The following RGS8 variants were observed in gnomAD, a reference collection of about 807,000 sequenced individuals.
The protein encoded by RGS8 is regulator of G protein signaling 8.
A neutral mutation model predicts 21.7 loss-of-function variants in RGS8; 8 were observed. The observed-to-expected ratio is 0.37, with a 90% CI of 0.22 to 0.66. RGS8 has a LOEUF of 0.66. RGS8 is among the 30% of genes least tolerant of loss of function. The probability of loss-of-function intolerance (pLI) is 0.59; values close to 1 mark genes in which losing one functional copy is unlikely to be tolerated. For synonymous variants in RGS8, 80 were observed against 83.6 expected (o/e 0.96, Z 0.24); for missense variants, 157 against 217.9 (o/e 0.72, Z 1.76).
rs1010870867 is a variant in RGS8 at position 182,678,075 on chromosome 1, TAA to T, written n.222-5145_222-5144del. On this transcript the variant is annotated intron_variant and non_coding_transcript_variant, in intron 1 of 4. Transcript: ENST00000515211. ...ACACTGATTAGATATTTAATAGTAT[TAA>T]GACATTATCGTTATTTTTTAGTGCA... 6.6e-5 allele frequency among the ~76,000 whole-genome samples: 10 copies of T among 152,338 alleles called. No individual in the cohort carries two copies. The East Asian group carries it at 9.6e-4, about 15-fold the overall frequency.
chr1:182,649,283 C>A (rs981090204), intron 5 of RGS8, among the ~76,000 whole-genome samples: 1 of 152,148 alleles, frequency 6.6e-6, no homozygotes, highest in South Asian at 2.1e-4. Context: ...AGGAAACACA[C>A]AACTTGTTAC....
chr1:182,662,927 A>T (rs1258774730), intron 5 of RGS8, among the ~76,000 whole-genome samples: 3 of 151,218 alleles, frequency 2.0e-5, no homozygotes, highest in African/African-American at 4.9e-5. Flanking sequence ...CAGGGATGGC[A>T]AAGATGTCCT....
chr1:182,740,019 C>T, the RGS8 span, among the ~76,000 whole-genome samples: 35 of 152,188 alleles, frequency 2.3e-4, no homozygotes, highest in African/African-American at 7.7e-4. Context: ...AAACTAGCCT[C>T]CAATCCAGAG....
At chr1:182,672,851 C>G (rs1664229776), upstream of RGS8, 1 of 1,613,990 alleles carries the variant, frequency 6.2e-7, no homozygotes, top group Non-Finnish European at 8.5e-7. Flanking sequence ...TGCTTCAGTT[C>G]CAGAAGGAGG....
the RGS8 span, among the ~76,000 whole-genome samples, chr1:182,712,491 C>CA: frequency 6.6e-6 from 1 of 152,208 alleles, no homozygotes; most frequent in Non-Finnish European, 1.5e-5. Flanking sequence ...AATGTGCTCA[C>CA]ATGTCACCCA....
chr1:182,698,376 T>C, the RGS8 span, among the ~76,000 whole-genome samples: 1 of 152,248 alleles, frequency 6.6e-6, no homozygotes. Context: ...GTGCTGTGAC[T>C]TTAGGCAAGT....
the RGS8 span, among the ~76,000 whole-genome samples, chr1:182,721,278 A>G: frequency 6.6e-6 from 1 of 152,098 alleles, no homozygotes; most frequent in Non-Finnish European, 1.5e-5. Context: ...AAAACGCAGA[A>G]CAGACAGACC....
chr1:182,710,951 T>C, the RGS8 span, among the ~76,000 whole-genome samples: 1 of 152,112 alleles, frequency 6.6e-6, no homozygotes, highest in Non-Finnish European at 1.5e-5. Flanking sequence ...TTCAGGGCAA[T>C]AAGCATCAAG....
At chr1:182,713,605 A>T in the RGS8 span, among the ~76,000 whole-genome samples, 1 of 152,138 alleles carries the variant, frequency 6.6e-6, no homozygotes, top group African/African-American at 2.4e-5. Flanking sequence ...TCCTGATGAC[A>T]CAAGGGCCTT....
At chr1:182,649,634 G>A (rs1227782217) in intron 5 of RGS8, among the ~76,000 whole-genome samples, 3 of 152,176 alleles carry the variant, frequency 2.0e-5, no homozygotes, top group African/African-American at 7.2e-5. Flanking sequence ...GATGAGCAGG[G>A]TTACCATGTC....
intron 5 of RGS8, among the ~76,000 whole-genome samples, chr1:182,650,073 C>T (rs746235977): frequency 8.0e-5 from 12 of 149,318 alleles, no homozygotes; most frequent in African/African-American, 1.3e-4. Flanking sequence ...CACTACGCCT[C>T]GCTAATTTTT....
chr1:182,746,583 C>T, the RGS8 span, among the ~76,000 whole-genome samples: 2 of 151,896 alleles, frequency 1.3e-5, no homozygotes, highest in South Asian at 2.1e-4. Context: ...ACTCAAAAGG[C>T]AGAGGTTGCA....
chr1:182,733,466 T>C, the RGS8 span, among the ~76,000 whole-genome samples: 1 of 151,970 alleles, frequency 6.6e-6, no homozygotes, highest in African/African-American at 2.4e-5. Context: ...TTTGACAGAG[T>C]GGGACAAATA....
At chr1:182,702,984 C>T in the RGS8 span, among the ~76,000 whole-genome samples, 1 of 152,294 alleles carries the variant, frequency 6.6e-6, no homozygotes, top group Non-Finnish European at 1.5e-5. Flanking sequence ...AAAAGGAACA[C>T]TTGGATTGTT....
At chr1:182,705,476 C>T in the RGS8 span, among the ~76,000 whole-genome samples, 1 of 152,158 alleles carries the variant, frequency 6.6e-6, no homozygotes, top group Non-Finnish European at 1.5e-5. Context: ...AATGTGTTAC[C>T]AGCTATCTGG....
chr1:182,729,395 G>A, the RGS8 span, among the ~76,000 whole-genome samples: 1 of 152,090 alleles, frequency 6.6e-6, no homozygotes, highest in Non-Finnish European at 1.5e-5. Context: ...ACTGATTATT[G>A]GCAAAAGTGG....
Position 182,669,758 on chromosome 1 carries a change from A to G in RGS8, c.-103-6T>C, listed in dbSNP as rs1664061105. On this transcript the variant is annotated splice_region_variant and splice_polypyrimidine_tract_variant and intron_variant, in intron 2 of 6. Transcript: ENST00000483095. Reference sequence around the variant, plus strand: ...ACCCTTGCACGTCCTCTCACCTAAAATCAAAGAATCTGCTGTAAGAGGGGC... The same window carrying G: ...ACCCTTGCACGTCCTCTCACCTAAAGTCAAAGAATCTGCTGTAAGAGGGGC... The G allele has an allele frequency of 6.3e-7, 1 of 1,581,016 alleles. No individual in the cohort carries two copies. The highest frequency in any genetic ancestry group is 1.4e-5 in the African/African-American group (1 of 73,804).
intron 3 of RGS8, among the ~76,000 whole-genome samples, chr1:182,669,196 G>T (rs976352410): frequency 3.3e-5 from 5 of 152,160 alleles, no homozygotes; most frequent in African/African-American, 9.7e-5. Context: ...AATCTTCTTA[G>T]CTAGGTCTGA....
intron 5 of RGS8, among the ~76,000 whole-genome samples, chr1:182,659,137 G>A (rs914386653): frequency 1.1e-4 from 17 of 152,210 alleles, no homozygotes; most frequent in Non-Finnish European, 1.9e-4. Flanking sequence ...AAAATGGTGA[G>A]CTCTGAGGTT....
Sources: gnomAD v4.1 joint callset for allele counts (sites outside exome capture counted in the v4.1 genomes callset) on GRCh38, gnomAD v4.1.1 for gene constraint, MANE v1.5 for transcripts, NCBI Gene and HGNC (gene_info 2026-07-23, HGNC 2026-07-21) for gene names.